C1QTNF3: variants seen among roughly 807,000 people sequenced by gnomAD.
The protein encoded by C1QTNF3 is C1q and TNF related 3.
Under a neutral mutation model 32.6 loss-of-function variants are expected in C1QTNF3, and 26 were observed. The ratio of observed to expected loss-of-function variants is 0.80; its 90% CI spans 0.58 to 1.11. The LOEUF (loss-of-function observed/expected upper bound fraction) is 1.11. Among genes scored for constraint, C1QTNF3 ranks in the 50% least tolerant of loss-of-function variants. The pLI is 0.00. For missense variants in C1QTNF3, 362 were observed against 398.2 expected, an observed-to-expected ratio of 0.91 and a Z score of 0.77; for synonymous variants, 155 against 146.0, an observed-to-expected ratio of 1.06 and a Z score of -0.44.
chr5:34,154,498 G>A, the C1QTNF3 span, among the ~76,000 whole-genome samples: 1 of 152,120 alleles, frequency 6.6e-6, no homozygotes, highest in African/African-American at 2.4e-5. Flanking sequence ...CTGTTAAAAT[G>A]CTGAGAACTA....
At chr5:34,065,863 A>C in the C1QTNF3 span, among the ~76,000 whole-genome samples, 1 of 152,172 alleles carries the variant, frequency 6.6e-6, no homozygotes, top group Non-Finnish European at 1.5e-5. Context: ...CATTATACCA[A>C]AAAGACATGT....
At chr5:34,239,554 C>T in the C1QTNF3 span, 3 of 151,418 alleles carry the variant, frequency 2.0e-5, no homozygotes, top group Non-Finnish European at 4.4e-5. Context: ...AAGAGCATTA[C>T]GTCATGAGAA....
chr5:34,126,060 A>T, the C1QTNF3 span, among the ~76,000 whole-genome samples: 1 of 152,256 alleles, frequency 6.6e-6, no homozygotes, highest in Non-Finnish European at 1.5e-5. Flanking sequence ...TCTTTTGCAA[A>T]TGCAAATAAC....
At chr5:34,157,095 C>G in the C1QTNF3 span, among the ~76,000 whole-genome samples, 2 of 152,100 alleles carry the variant, frequency 1.3e-5, no homozygotes, top group Non-Finnish European at 2.9e-5. Context: ...TGATTTATAA[C>G]AGATAATTAC....
the C1QTNF3 span, among the ~76,000 whole-genome samples, chr5:34,226,882 A>G: frequency 2.6e-5 from 4 of 151,460 alleles, no homozygotes; most frequent in East Asian, 1.9e-4. Context: ...TATTTCTCTC[A>G]TAAGTTTACA....
the C1QTNF3 span, among the ~76,000 whole-genome samples, chr5:34,061,477 G>A: frequency 6.6e-6 from 1 of 152,168 alleles, no homozygotes; most frequent in Non-Finnish European, 1.5e-5. Context: ...CCAAGCAGAG[G>A]TTCTCCATGA....
At chr5:34,055,477 G>A in the C1QTNF3 span, among the ~76,000 whole-genome samples, 13 of 152,318 alleles carry the variant, frequency 8.5e-5, no homozygotes, top group South Asian at 2.7e-3. Flanking sequence ...AGCCAAAGTT[G>A]ACCTCTGTGT....
At chr5:34,163,259 G>A in the C1QTNF3 span, among the ~76,000 whole-genome samples, 1 of 151,986 alleles carries the variant, frequency 6.6e-6, no homozygotes, top group Non-Finnish European at 1.5e-5. Context: ...TCTGGGTGAT[G>A]TTATGTACAA....
At chr5:34,134,886 C>T in the C1QTNF3 span, among the ~76,000 whole-genome samples, 1 of 152,156 alleles carries the variant, frequency 6.6e-6, no homozygotes, top group Non-Finnish European at 1.5e-5. Flanking sequence ...AATTTGCTTC[C>T]TCTTTTCCTA....
At chr5:34,222,103 G>A in the C1QTNF3 span, among the ~76,000 whole-genome samples, 1 of 151,786 alleles carries the variant, frequency 6.6e-6, no homozygotes. Flanking sequence ...TGGCAATGTT[G>A]ATTTTTTTGT....
At chr5:34,178,031 C>T in the C1QTNF3 span, among the ~76,000 whole-genome samples, 1 of 148,518 alleles carries the variant, frequency 6.7e-6, no homozygotes, top group African/African-American at 2.5e-5. Flanking sequence ...CTTTGGGAGG[C>T]CAAGGCAGGT....
chr5:34,164,125 C>T, the C1QTNF3 span, among the ~76,000 whole-genome samples: 5 of 151,954 alleles, frequency 3.3e-5, no homozygotes, highest in East Asian at 1.9e-4. Flanking sequence ...ATTTGGGAGG[C>T]GAACATTAAA....
chr5:34,120,438 T>C, the C1QTNF3 span, among the ~76,000 whole-genome samples: 14 of 152,196 alleles, frequency 9.2e-5, no homozygotes, highest in Middle Eastern at 3.4e-3. Flanking sequence ...CAAATGGAAA[T>C]TTGACAGTAA....
chr5:34,077,989 C>A, the C1QTNF3 span, among the ~76,000 whole-genome samples: 1 of 151,794 alleles, frequency 6.6e-6, no homozygotes, highest in South Asian at 2.1e-4. Context: ...TGCCTTTAAC[C>A]TCTTTCCAAG....
chr5:34,177,004 G>A, the C1QTNF3 span, among the ~76,000 whole-genome samples: 8 of 152,124 alleles, frequency 5.3e-5, no homozygotes, highest in African/African-American at 1.9e-4. Flanking sequence ...ATCAGCCTAG[G>A]CAACACAGTG....
At chr5:34,127,682 G>A in the C1QTNF3 span, among the ~76,000 whole-genome samples, 1 of 151,530 alleles carries the variant, frequency 6.6e-6, no homozygotes, top group South Asian at 2.1e-4. Flanking sequence ...CTAGCTCCCA[G>A]GTTCAAGCGA....
At chr5:34,100,473 G>A in the C1QTNF3 span, among the ~76,000 whole-genome samples, 3 of 151,778 alleles carry the variant, frequency 2.0e-5, no homozygotes. Flanking sequence ...TATTAAAACA[G>A]TGTTAATAAA....
chr5:34,064,131 C>T, the C1QTNF3 span, among the ~76,000 whole-genome samples: 1 of 152,180 alleles, frequency 6.6e-6, no homozygotes, highest in Non-Finnish European at 1.5e-5. Context: ...CCCCAGACAG[C>T]CTCACACCTG....
the C1QTNF3 span, among the ~76,000 whole-genome samples, chr5:34,066,653 G>T: frequency 6.6e-6 from 1 of 152,146 alleles, no homozygotes; most frequent in East Asian, 1.9e-4. Context: ...ATTTGAAAAT[G>T]TAAAATATAA....
Sources: allele counts gnomAD v4.1 joint callset (sites outside exome capture counted in the v4.1 genomes callset), GRCh38; gene constraint gnomAD v4.1.1; transcripts MANE v1.5; gene names NCBI Gene and HGNC (gene_info 2026-07-23, HGNC 2026-07-21).